Variants in MALT1 observed in about 807,000 individuals in gnomAD.
The protein encoded by MALT1 is MALT1 paracaspase.
Under a neutral mutation model 85.5 loss-of-function variants are expected in MALT1, and 36 were observed. The ratio of observed to expected loss-of-function variants is 0.42; its 90% CI spans 0.32 to 0.56. The LOEUF (loss-of-function observed/expected upper bound fraction) is 0.56, where lower values mean the gene tolerates loss of function less well. Among genes scored for constraint, MALT1 ranks in the 20% least tolerant of loss-of-function variants. MALT1 has a pLI of 0.10. For synonymous variants in MALT1, 359 were observed against 361.3 expected (o/e 0.99, Z 0.07); for missense variants, 716 against 981.6 (o/e 0.73, Z 3.62).
chr18:58,751,493 A>G lies in MALT1; in HGVS notation c.*3651A>G, dbSNP rs1481924000. On this transcript the variant is annotated 3_prime_UTR_variant, in exon 17 of 17. Transcript: ENST00000649217. ...CTGCAGCATCCGTGGAGGCTGAAAC[A>G]GGAGAATCGCATGAATTTTTTAAAA... 1 of 152,126 alleles carries G rather than the reference A, an allele frequency of 6.6e-6. No individual in the cohort carries two copies. Among genetic ancestry groups the G allele is most frequent in the African/African-American group, 2.4e-5 (1 of 41,436 alleles). The allele number at this position is 152,126 out of a possible 1,614,324, so 9.4% of individuals were successfully genotyped here.
At chr18:58,731,101 A>G (rs2055142550) in intron 10 of MALT1, among the ~76,000 whole-genome samples, 1 of 151,958 alleles carries the variant, frequency 6.6e-6, no homozygotes, top group Non-Finnish European at 1.5e-5. Context: ...ACAGGCTCCC[A>G]CCACCACACT....
At position 58,744,381 on chromosome 18, in the gene MALT1, G is replaced by C. The variant is rs1462291758; in HGVS notation, c.1797G>C (p.Gln599His). 1 of 1,608,046 alleles carries C rather than the reference G, an allele frequency of 6.2e-7. No individual in the cohort carries two copies. Among genetic ancestry groups the C allele is most frequent in the Non-Finnish European group, 8.5e-7 (1 of 1,176,738 alleles). Residue 599 changes from glutamine to histidine, a missense_variant, in exon 15 of 17, where the codon CAG becomes CAC. By Grantham distance (24) the Gln-to-His change is conservative (BLOSUM62 0). Around this residue, in one of 4 missense-constraint regions of MALT1, gnomAD observed 260 missense variants for 323.7 expected, o/e 0.80. Transcript: ENST00000649217. ...SMCLKFDCGV[Q>H]IQLGFAAEFS... Reference sequence around the variant, plus strand: ...GTCTTAAGTTTGACTGTGGTGTTCAGATTCAATTAGGATTTGCAGCTGAGT... The same window carrying C: ...GTCTTAAGTTTGACTGTGGTGTTCACATTCAATTAGGATTTGCAGCTGAGT...
intron 13 of MALT1, among the ~76,000 whole-genome samples, chr18:58,736,452 AAAAGAAAG>A (rs530205817): frequency 2.0e-5 from 3 of 152,056 alleles, no homozygotes; most frequent in Non-Finnish European, 4.4e-5. Context: ...TAAAAAAAAA[AAAAGAAAG>A]AAAGAAAACC....
chr18:58,691,365 G>A, intron 2 of MALT1: 6 of 831,336 alleles, frequency 7.2e-6, no homozygotes, highest in South Asian at 6.9e-5. Context: ...CATTGCCCTG[G>A]CTCAGGCCCA....
intron 2 of MALT1, among the ~76,000 whole-genome samples, chr18:58,681,599 CA>C: frequency 6.6e-6 from 1 of 152,064 alleles, no homozygotes; most frequent in South Asian, 2.1e-4. Flanking sequence ...AAGTAATTAT[CA>C]TATGATAATG....
rs115155935 is a variant in MALT1, at chr18:58,731,693, A to G, written c.1223-1704A>G. On this transcript the variant is annotated intron_variant, in intron 10 of 16. Coordinates refer to ENST00000649217, the MANE Select transcript of MALT1 (RefSeq NM_006785.4). Reference sequence around the variant, plus strand: ...TCTCTACTTTACTCATTTCATACGTACATGGTGGTTGTCCCACTAACATGA... The same window carrying G: ...TCTCTACTTTACTCATTTCATACGTGCATGGTGGTTGTCCCACTAACATGA... Among the ~76,000 whole-genome samples the G allele has an allele frequency of 4.1e-3, 630 of 152,350 alleles. 2 individuals carry two copies. Among genetic ancestry groups the G allele is most frequent in the African/African-American group, 0.014 (585 of 41,576 alleles).
intron 4 of MALT1, among the ~76,000 whole-genome samples, chr18:58,708,099 G>A (rs2054782323): frequency 6.6e-6 from 1 of 152,174 alleles, no homozygotes; most frequent in Non-Finnish European, 1.5e-5. Flanking sequence ...GGAAAGCAAA[G>A]GCACTGCATT....
chr18:58,685,399 G>A (rs1458437140), intron 2 of MALT1, among the ~76,000 whole-genome samples: 1 of 152,182 alleles, frequency 6.6e-6, no homozygotes, highest in Non-Finnish European at 1.5e-5. Context: ...TGGAACAACA[G>A]TCAGAGGTAG....
At chr18:58,691,407 G>GAGC (rs2054497109) in intron 2 of MALT1, 1 of 534,496 alleles carries the variant, frequency 1.9e-6, no homozygotes, top group African/African-American at 2.0e-5. Flanking sequence ...CAAGATCTCG[G>GAGC]AGCAGCCCGT....
At chr18:58,679,462 T>A (rs1422592414) in intron 1 of MALT1, among the ~76,000 whole-genome samples, 2 of 152,264 alleles carry the variant, frequency 1.3e-5, no homozygotes, top group Non-Finnish European at 2.9e-5. Flanking sequence ...AGTGAAACTT[T>A]ATTTACAGAA....
chr18:58,717,393 A>C (rs1226007927), intron 9 of MALT1, among the ~76,000 whole-genome samples: 2 of 151,810 alleles, frequency 1.3e-5, no homozygotes, highest in Admixed American at 6.6e-5. Flanking sequence ...AGGGAAAAAG[A>C]GTAAAGTAAG....
chr18:58,688,315 C>CACACACACAG (rs2054436964), intron 2 of MALT1, among the ~76,000 whole-genome samples: 1 of 140,760 alleles, frequency 7.1e-6, no homozygotes, highest in African/African-American at 2.6e-5. Context: ...CACACACACA[C>CACACACACAG]ACACACACAC....
chr18:58,696,545 A>C, intron 3 of MALT1, 58 bp downstream of exon 3: 1 of 1,345,376 alleles, frequency 7.4e-7, no homozygotes, highest in Non-Finnish European at 1.0e-6. Context: ...TAGAGAATTA[A>C]TTAACATTAT....
intron 8 of MALT1, among the ~76,000 whole-genome samples, chr18:58,715,280 A>T (rs1318544797): frequency 6.6e-6 from 1 of 152,138 alleles, no homozygotes; most frequent in Non-Finnish European, 1.5e-5. Context: ...AGATTCTAAA[A>T]TTTTCCTGGC....
intron 2 of MALT1, among the ~76,000 whole-genome samples, chr18:58,695,884 C>T (rs2054579563): frequency 6.6e-6 from 1 of 152,178 alleles, no homozygotes; most frequent in Admixed American, 6.5e-5. Flanking sequence ...CATATTCAGA[C>T]AATAGCAGAC....
In MALT1 at chr18:58,686,566, A is replaced by G. The variant is rs114807791; in HGVS notation, c.376+5230A>G. 4.2e-3 allele frequency among the ~76,000 whole-genome samples: 638 copies of G among 152,188 alleles called. 7 individuals carry two copies. Among genetic ancestry groups the G allele is most frequent in the African/African-American group, 0.014 (590 of 41,544 alleles). On this transcript the variant is annotated intron_variant, in intron 2 of 16. Transcript: ENST00000649217. ...TCCAGTGCTGCAATATTGCCATTTT[A>G]TTTCACTCTTCATATGAAAGGTGCC...
intron 9 of MALT1, among the ~76,000 whole-genome samples, chr18:58,720,661 A>G (rs2054970481): frequency 6.6e-6 from 1 of 152,210 alleles, no homozygotes; most frequent in African/African-American, 2.4e-5. Flanking sequence ...TAATGATTTG[A>G]TATCAGCAAA....
chr18:58,722,055 G>A (rs2054991307), intron 9 of MALT1, among the ~76,000 whole-genome samples: 2 of 151,878 alleles, frequency 1.3e-5, no homozygotes, highest in African/African-American at 2.4e-5. Context: ...GAAGAAAGCC[G>A]TCAGAGGCTA....
intron 1 of MALT1, among the ~76,000 whole-genome samples, chr18:58,680,481 C>G (rs1307553417): frequency 6.6e-6 from 1 of 152,096 alleles, no homozygotes; most frequent in Non-Finnish European, 1.5e-5. Context: ...CCTTGTAACA[C>G]TGATTGTTCT....
Sources: gnomAD v4.1 joint callset for allele counts (sites outside exome capture counted in the v4.1 genomes callset) on GRCh38, gnomAD v4.1.1 for gene constraint, gnomAD v4.1.1 regional missense constraint, MANE v1.5 for transcripts, NCBI Gene and HGNC (gene_info 2026-07-23, HGNC 2026-07-21) for gene names.